Variants in KCNIP3 observed in about 807,000 individuals in gnomAD.
KCNIP3 encodes potassium voltage-gated channel interacting protein 3.
Under a neutral mutation model 35.0 loss-of-function variants are expected in KCNIP3, and 28 were observed. That is an observed-to-expected ratio of 0.80 (90% CI 0.59 to 1.10). KCNIP3 has a LOEUF of 1.10. Ranked by LOEUF, KCNIP3 falls within the 50% of genes least tolerant of loss-of-function variation. The probability of loss-of-function intolerance (pLI) is 0.00; values close to 1 mark genes in which losing one functional copy is unlikely to be tolerated. For synonymous variants in KCNIP3, 134 were observed against 133.8 expected, an observed-to-expected ratio of 1.00 and a Z score of -0.01; for missense variants, 295 against 338.4, an observed-to-expected ratio of 0.87 and a Z score of 1.01.
chr2:95,368,826 C>A (rs1368810809), intron 2 of KCNIP3: 2 of 214,822 alleles, frequency 9.3e-6, no homozygotes, highest in South Asian at 2.1e-4. Flanking sequence ...CCCTTCATGT[C>A]GTCATCAGAG....
chr2:95,308,971 G>T (rs1157470738), intron 1 of KCNIP3, among the ~76,000 whole-genome samples: 1 of 152,216 alleles, frequency 6.6e-6, no homozygotes, highest in East Asian at 1.9e-4. Context: ...CCTGGGAAGG[G>T]TATGGACAAC....
At chr2:95,354,090 G>A (rs1255774960) in intron 2 of KCNIP3, among the ~76,000 whole-genome samples, 1 of 152,224 alleles carries the variant, frequency 6.6e-6, no homozygotes, top group Non-Finnish European at 1.5e-5. Context: ...TTCTGTCTGA[G>A]TGGTTTCCTC....
chr2:95,337,907 G>A (rs1276810163), intron 2 of KCNIP3, among the ~76,000 whole-genome samples: 2 of 152,212 alleles, frequency 1.3e-5, no homozygotes, highest in Non-Finnish European at 2.9e-5. Context: ...GGGTGCTGAT[G>A]AGGACTGGGG....
intron 1 of KCNIP3, among the ~76,000 whole-genome samples, chr2:95,299,850 G>T (rs887676622): frequency 6.6e-6 from 1 of 152,232 alleles, no homozygotes; most frequent in Non-Finnish European, 1.5e-5. Context: ...CAGGAGAAGG[G>T]CAGAGCTGAG....
chr2:95,367,060 G>A (rs937214869), intron 2 of KCNIP3, among the ~76,000 whole-genome samples: 2 of 152,006 alleles, frequency 1.3e-5, no homozygotes, highest in African/African-American at 4.8e-5. Flanking sequence ...AACTCCTGAG[G>A]TCAGGAGTTC....
chr2:95,367,758 A>AT (rs5832800), intron 2 of KCNIP3, among the ~76,000 whole-genome samples: 4,482 of 131,792 alleles, frequency 0.034, 271 homozygotes, highest in Admixed American at 0.14. Context: ...GTGACTTAAC[A>AT]TTTTTTTTTT....
chr2:95,385,836 C>G lies in KCNIP3; in HGVS notation c.*1787C>G, dbSNP rs1680490890. On this transcript the variant is annotated 3_prime_UTR_variant, in exon 9 of 9. Transcript: ENST00000295225. ...GCCCTCCCAGCTGGTGTCACTCTGC[C>G]TCTAAGGCCAAGGCCTCAGGAGAGC... is the stretch of plus-strand genomic sequence containing the variant. 6.5e-6 allele frequency: 1 copy of G among 152,680 alleles called. No individual in the cohort carries two copies. The highest frequency in any genetic ancestry group is 1.5e-5 in the Non-Finnish European group (1 of 68,130). 9.5% of individuals were successfully genotyped at this position (152,680 alleles called of 1,614,324 possible).
intron 5 of KCNIP3, among the ~76,000 whole-genome samples, chr2:95,380,412 C>T (rs924061535): frequency 1.3e-5 from 2 of 152,182 alleles, no homozygotes; most frequent in Non-Finnish European, 2.9e-5. Flanking sequence ...TGAGGGGCCT[C>T]GGGGCCTTGG....
At chr2:95,310,653 G>A (rs771563299) in intron 2 of KCNIP3, 133 bp downstream of exon 2, 4 of 965,196 alleles carry the variant, frequency 4.1e-6, no homozygotes, top group Non-Finnish European at 6.5e-6. Flanking sequence ...TATTGGAGGT[G>A]TGTTTTCATT....
intron 2 of KCNIP3, among the ~76,000 whole-genome samples, chr2:95,331,811 AAGG>A (rs1678939708): frequency 6.6e-6 from 1 of 152,212 alleles, no homozygotes; most frequent in Non-Finnish European, 1.5e-5. Flanking sequence ...AGGCTGGGCC[AAGG>A]AGATCCCTTC....
In KCNIP3 at chr2:95,359,504, G is replaced by C. The variant is rs551870826; in HGVS notation, c.182-14792G>C. ...CACCCCCACCCCCATGGCTTTGGTGGGCTCGGCAGCCACAGGAGCTCTCCC... is the reference window on the plus strand; with the variant it reads ...CACCCCCACCCCCATGGCTTTGGTGCGCTCGGCAGCCACAGGAGCTCTCCC... On this transcript the variant is annotated intron_variant, in intron 2 of 8. Transcript: ENST00000295225. Among the ~76,000 whole-genome samples the C allele has an allele frequency of 2.0e-4, 30 of 152,316 alleles. 1 individual carries two copies. The South Asian group carries it at 6.0e-3, about 30-fold the overall frequency.
chr2:95,384,416 C>A lies in KCNIP3; in HGVS notation c.*367C>A. 3.2e-6 allele frequency: 1 copy of A among 307,808 alleles called. No homozygotes were observed. The highest frequency in any genetic ancestry group is 6.1e-6 in the Non-Finnish European group (1 of 162,974). 19.1% of individuals were successfully genotyped at this position (307,808 alleles called of 1,614,324 possible). On this transcript the variant is annotated 3_prime_UTR_variant, in exon 9 of 9. Coordinates refer to ENST00000295225, the MANE Select transcript of KCNIP3 (RefSeq NM_013434.5). ...GTGCCCCTGCAGGGGAGGGTCCAAT[C>A]TCCGGTGTGAGCCCACCTCGTCCCG...
At chr2:95,380,388 G>A (rs1430161271) in intron 5 of KCNIP3, among the ~76,000 whole-genome samples, 5 of 152,098 alleles carry the variant, frequency 3.3e-5, no homozygotes, top group South Asian at 4.1e-4. Context: ...TTCCAGTCCC[G>A]AAAATCTAAC....
intron 2 of KCNIP3, among the ~76,000 whole-genome samples, chr2:95,363,068 C>T (rs922039681): frequency 5.9e-5 from 9 of 152,156 alleles, no homozygotes; most frequent in African/African-American, 2.2e-4. Flanking sequence ...ACGCTATCTT[C>T]TTCTATTCTG....
intron 8 of KCNIP3, 65 bp from the exon 9 acceptor site, chr2:95,383,937 G>C: frequency 7.0e-7 from 1 of 1,425,342 alleles, no homozygotes; most frequent in Non-Finnish European, 9.9e-7. Flanking sequence ...GCGGGAATCT[G>C]CTCAAGGGGG....
Position 95,374,336 on chromosome 2 carries a change from C to T in KCNIP3, c.222C>T (p.His74=). ...DSELELSTVR[H]QPEGLDQLQA... ...AGCTGGAGCTGTCCACGGTGCGCCA[C>T]CAGCCAGAGGGGCTGGACCAGCTGC... The change falls in exon 3 of 9, where the codon CAC becomes CAT. Residue 74 remains histidine, a synonymous_variant. Transcript: ENST00000295225. The T allele has an allele frequency of 6.2e-7, 1 of 1,614,190 alleles. No homozygotes were observed. The highest frequency in any genetic ancestry group is 8.5e-7 in the Non-Finnish European group (1 of 1,179,996).
chr2:95,316,684 G>T (rs761905971), intron 2 of KCNIP3, among the ~76,000 whole-genome samples: 10 of 152,228 alleles, frequency 6.6e-5, no homozygotes, highest in Non-Finnish European at 1.3e-4. Flanking sequence ...GAAGACAGAT[G>T]CTTCCATTCC....
At chr2:95,333,754 C>T (rs1283560799) in intron 2 of KCNIP3, among the ~76,000 whole-genome samples, 1 of 152,212 alleles carries the variant, frequency 6.6e-6, no homozygotes, top group African/African-American at 2.4e-5. Flanking sequence ...CCAATTCCCT[C>T]ACTGAACGCA....
intron 2 of KCNIP3, among the ~76,000 whole-genome samples, chr2:95,351,129 T>G (rs1679509514): frequency 1.3e-5 from 2 of 152,184 alleles, no homozygotes; most frequent in Admixed American, 6.5e-5. Flanking sequence ...CAGCGGCTTC[T>G]CTCTTCCCCA....
Sources: gnomAD v4.1 joint callset for allele counts (sites outside exome capture counted in the v4.1 genomes callset) on GRCh38, gnomAD v4.1.1 for gene constraint, MANE v1.5 for transcripts, NCBI Gene and HGNC (gene_info 2026-07-23, HGNC 2026-07-21) for gene names.